The following CACNA2D3 variants were observed in gnomAD, a reference collection of about 807,000 sequenced individuals.
The protein encoded by CACNA2D3 is calcium voltage-gated channel auxiliary subunit alpha2delta 3.
CACNA2D3 carries 60 observed loss-of-function variants against 160.6 expected under a neutral mutation model. The observed-to-expected ratio is 0.37, with a 90% CI of 0.30 to 0.46. CACNA2D3 has a LOEUF of 0.46. Ranked by LOEUF, CACNA2D3 falls within the 20% of genes least tolerant of loss-of-function variation. The pLI, the probability that CACNA2D3 is intolerant of heterozygous loss-of-function variation, is 1.00. For synonymous variants in CACNA2D3, 558 were observed against 492.9 expected (o/e 1.13, Z -1.75); for missense variants, 1,205 against 1,365.0 (o/e 0.88, Z 1.85).
At chr3:54,266,973 C>T (rs558698728) in intron 2 of CACNA2D3, among the ~76,000 whole-genome samples, 5 of 152,162 alleles carry the variant, frequency 3.3e-5, no homozygotes, top group African/African-American at 1.2e-4. Context: ...GTGCCTTGAG[C>T]ATGGAGCTTG....
chr3:54,812,498 G>T (rs1166510037), intron 13 of CACNA2D3, among the ~76,000 whole-genome samples: 2 of 152,186 alleles, frequency 1.3e-5, no homozygotes, highest in African/African-American at 4.8e-5. Flanking sequence ...TGACCAGAGA[G>T]AGCACGGACA....
chr3:54,199,529 G>A (rs954648163), intron 2 of CACNA2D3, among the ~76,000 whole-genome samples: 2 of 151,752 alleles, frequency 1.3e-5, no homozygotes, highest in East Asian at 1.9e-4. Flanking sequence ...TCCGCCTCCC[G>A]CCACTAATTT....
chr3:54,345,889 A>C (rs539689626), intron 3 of CACNA2D3, among the ~76,000 whole-genome samples: 2 of 152,002 alleles, frequency 1.3e-5, no homozygotes, highest in Non-Finnish European at 2.9e-5. Context: ...TTTTGCAGGA[A>C]ATCAGGTGTT....
rs148829312 is a variant in CACNA2D3 at position 54,250,777 on chromosome 3, A to C, written c.205-69665A>C. On this transcript the variant is annotated intron_variant, in intron 2 of 37. Coordinates refer to ENST00000474759, the MANE Select transcript of CACNA2D3 (RefSeq NM_018398.3). ...TATTTACAAAGGTGATAAGCATGCA[A>C]CTCCTAGGGGGCTTACAGTCTAGGA... Among the ~76,000 whole-genome samples the C allele has an allele frequency of 8.8e-3, 1,340 of 152,254 alleles. 16 individuals carry two copies. The highest frequency in any genetic ancestry group is 0.012 in the Non-Finnish European group (823 of 68,022).
At chr3:54,717,566 TGTGG>T (rs1701075194) in intron 11 of CACNA2D3, among the ~76,000 whole-genome samples, 1 of 99,998 alleles carries the variant, frequency 1.0e-5, no homozygotes, top group Non-Finnish European at 2.2e-5. Flanking sequence ...TGTGTGTGTG[TGTGG>T]TGTGTATGTG....
intron 3 of CACNA2D3, among the ~76,000 whole-genome samples, chr3:54,320,779 G>T (rs1221315195): frequency 6.6e-6 from 1 of 152,210 alleles, no homozygotes; most frequent in Non-Finnish European, 1.5e-5. Flanking sequence ...TCTGGTAAAT[G>T]TATGCCTTCA....
chr3:54,765,077 C>T (rs1225148126), intron 13 of CACNA2D3, among the ~76,000 whole-genome samples: 2 of 152,134 alleles, frequency 1.3e-5, no homozygotes, highest in African/African-American at 4.8e-5. Context: ...GGGCCTCTCT[C>T]CAGTCATTTT....
intron 10 of CACNA2D3, chr3:54,638,717 G>A (rs1456909067): frequency 2.0e-5 from 3 of 151,924 alleles, no homozygotes; most frequent in Non-Finnish European, 2.9e-5. Context: ...TGGACGTCAG[G>A]CACCTCACAC....
intron 27 of CACNA2D3, among the ~76,000 whole-genome samples, chr3:54,921,234 A>G (rs1458403305): frequency 6.6e-6 from 1 of 152,170 alleles, no homozygotes; most frequent in African/African-American, 2.4e-5. Context: ...GAGTCTGAAC[A>G]TTACGTAGCT....
intron 11 of CACNA2D3, among the ~76,000 whole-genome samples, chr3:54,642,582 G>A (rs1345027055): frequency 6.6e-6 from 1 of 152,046 alleles, no homozygotes; most frequent in Non-Finnish European, 1.5e-5. Context: ...TCTATACAAT[G>A]GTGAAATCAG....
At chr3:54,401,807 G>A (rs2106701050) in intron 4 of CACNA2D3, among the ~76,000 whole-genome samples, 1 of 152,274 alleles carries the variant, frequency 6.6e-6, no homozygotes, top group African/African-American at 2.4e-5. Flanking sequence ...AACAACATAT[G>A]AAAGTATAAA....
At chr3:54,265,527 A>AGTGTGTGT (rs536088158) in intron 2 of CACNA2D3, among the ~76,000 whole-genome samples, 4 of 123,628 alleles carry the variant, frequency 3.2e-5, no homozygotes, top group African/African-American at 1.5e-4. Context: ...CAGAACTTAA[A>AGTGTGTGT]GTATGTGTGT....
chr3:54,262,564 A>G (rs13086234), intron 2 of CACNA2D3, among the ~76,000 whole-genome samples: 41,412 of 151,948 alleles, frequency 0.27, 6,442 homozygotes, highest in Middle Eastern at 0.43. Context: ...AGAGATACAG[A>G]AAAATGAAAG....
At chr3:54,790,270 G>A (rs1702726984) in intron 13 of CACNA2D3, among the ~76,000 whole-genome samples, 1 of 152,178 alleles carries the variant, frequency 6.6e-6, no homozygotes, top group Non-Finnish European at 1.5e-5. Context: ...GGTAACTGGT[G>A]CGGTGTCCTC....
chr3:54,153,350 G>A (rs1025727364), intron 2 of CACNA2D3, among the ~76,000 whole-genome samples: 3 of 152,204 alleles, frequency 2.0e-5, no homozygotes, highest in South Asian at 2.1e-4. Flanking sequence ...TAGGAAAGGA[G>A]AAATGCACTC....
intron 4 of CACNA2D3, among the ~76,000 whole-genome samples, chr3:54,433,131 A>G (rs1700012897): frequency 6.6e-6 from 1 of 152,194 alleles, no homozygotes; most frequent in Non-Finnish European, 1.5e-5. Flanking sequence ...CAACATTCCA[A>G]CGCTGGAGGT....
intron 2 of CACNA2D3, among the ~76,000 whole-genome samples, chr3:54,165,985 G>C (rs181200654): frequency 6.6e-6 from 1 of 152,286 alleles, no homozygotes; most frequent in African/African-American, 2.4e-5. Flanking sequence ...AGAGAAAGGA[G>C]TCACAAAGGG....
chr3:54,857,572 G>T (rs6810058), intron 17 of CACNA2D3, among the ~76,000 whole-genome samples: 35,159 of 152,126 alleles, frequency 0.23, 4,870 homozygotes, highest in Non-Finnish European at 0.32. Flanking sequence ...TAACATGCCT[G>T]CACCCTGTTG....
At chr3:54,276,499 C>G (rs1019237586) in intron 2 of CACNA2D3, among the ~76,000 whole-genome samples, 3 of 148,860 alleles carry the variant, frequency 2.0e-5, no homozygotes, top group Admixed American at 1.3e-4. Flanking sequence ...CTTGAACTTG[C>G]GAGGTGGAGG....
Sources: allele counts gnomAD v4.1 joint callset (sites outside exome capture counted in the v4.1 genomes callset), GRCh38; gene constraint gnomAD v4.1.1; transcripts MANE v1.5; gene names NCBI Gene and HGNC (gene_info 2026-07-23, HGNC 2026-07-21).